The following NIPSNAP2 variants were observed in gnomAD, a reference collection of about 807,000 sequenced individuals.
NIPSNAP2 encodes protein NipSnap homolog 2.
A neutral mutation model predicts 48.4 loss-of-function variants in NIPSNAP2; 42 were observed. That is an observed-to-expected ratio of 0.87 (90% confidence interval 0.68 to 1.12). The LOEUF is 1.12. Among genes scored for constraint, NIPSNAP2 ranks in the 50% most tolerant of loss-of-function variants. The pLI, the probability that NIPSNAP2 is intolerant of heterozygous loss-of-function variation, is 0.00. For missense variants in NIPSNAP2, 314 were observed against 347.3 expected (o/e 0.90, Z 0.76); for synonymous variants, 158 against 126.6 (o/e 1.25, Z -1.67).
intron 4 of NIPSNAP2, chr7:55,981,810 T>G (rs540039567): frequency 2.4e-6 from 1 of 413,198 alleles, no homozygotes; most frequent in Non-Finnish European, 4.4e-6. Flanking sequence ...GGCATTACAG[T>G]TTTTTTGTTT....
At chr7:55,969,668 G>C (rs1404959772) in intron 1 of NIPSNAP2, among the ~76,000 whole-genome samples, 1 of 152,162 alleles carries the variant, frequency 6.6e-6, no homozygotes, top group Admixed American at 6.5e-5. Flanking sequence ...GCTGACAGGT[G>C]TAGTGCACAG....
intron 3 of NIPSNAP2, chr7:55,980,602 CAGTT>C (rs1243839445): frequency 1.3e-5 from 2 of 152,162 alleles, no homozygotes; most frequent in African/African-American, 2.4e-5. Flanking sequence ...TGGTGTAAAA[CAGTT>C]ACACTCTTCC....
intron 1 of NIPSNAP2, among the ~76,000 whole-genome samples, chr7:55,970,600 C>T (rs1786998980): frequency 6.6e-6 from 1 of 152,148 alleles, no homozygotes; most frequent in Non-Finnish European, 1.5e-5. Context: ...GCATGAGGCA[C>T]TGCGCTTGTC....
intron 1 of NIPSNAP2, among the ~76,000 whole-genome samples, chr7:55,973,894 T>C (rs977717626): frequency 3.3e-5 from 5 of 152,104 alleles, no homozygotes; most frequent in African/African-American, 4.8e-5. Context: ...GAACATCATA[T>C]TGGGGAGAAG....
chr7:55,984,644 A>C (rs537305110), intron 6 of NIPSNAP2, among the ~76,000 whole-genome samples: 32 of 150,372 alleles, frequency 2.1e-4, no homozygotes, highest in African/African-American at 7.6e-4. Flanking sequence ...GCTTGAACCC[A>C]GGAGGCGGAG....
Position 56,000,145 on chromosome 7 carries a change from A to G in NIPSNAP2, c.*1073A>G, listed in dbSNP as rs756298520. ...CATGTGAATGATTTTCTCAAAGAAC[A>G]TAGAAAAGTCAATAAAATCCTCTTA... On this transcript the variant is annotated 3_prime_UTR_variant, in exon 10 of 10. Transcript: ENST00000322090. 1 of 152,616 alleles carries G rather than the reference A, an allele frequency of 6.6e-6. No individual in the cohort carries two copies. Among genetic ancestry groups the G allele is most frequent in the Non-Finnish European group, 1.5e-5 (1 of 68,040 alleles). 9.5% of individuals were successfully genotyped at this position (152,616 alleles called of 1,614,324 possible). A position where few individuals can be genotyped will look rare whatever the true frequency, so the allele number is the denominator to read the frequency against.
chr7:55,990,222 GTTTCT>G (rs1292848403), intron 7 of NIPSNAP2, among the ~76,000 whole-genome samples: 5 of 144,980 alleles, frequency 3.4e-5, no homozygotes, highest in African/African-American at 7.6e-5. Context: ...CTTAATTTTT[GTTTCT>G]TTTCTTTTTT....
At chr7:55,986,383 C>T (rs957156011) in intron 7 of NIPSNAP2, among the ~76,000 whole-genome samples, 8 of 151,720 alleles carry the variant, frequency 5.3e-5, no homozygotes, top group South Asian at 2.1e-4. Context: ...AAAATTAGGG[C>T]GGGGATGGTG....
At chr7:55,981,888 CCT>C (rs1304516479) in intron 4 of NIPSNAP2, 1 of 326,240 alleles carries the variant, frequency 3.1e-6, no homozygotes, top group East Asian at 5.8e-5. Context: ...CTCACTGCGA[CCT>C]CTGCCTCCCG....
chr7:55,968,920 G>A (rs1348932582), intron 1 of NIPSNAP2, among the ~76,000 whole-genome samples: 1 of 151,760 alleles, frequency 6.6e-6, no homozygotes, highest in Non-Finnish European at 1.5e-5. Context: ...GGTGGTGCAG[G>A]GCTGTAGTCC....
chr7:55,987,158 TAAA>T, intron 7 of NIPSNAP2, among the ~76,000 whole-genome samples: 1 of 151,542 alleles, frequency 6.6e-6, no homozygotes. Flanking sequence ...CTCACAAAAA[TAAA>T]AAATAAATTG....
In NIPSNAP2 at chr7:55,964,625, C is replaced by T. The variant is rs1351246592; in HGVS notation, c.16C>T (p.Leu6=). Residue 6 remains leucine (L), a synonymous_variant, in exon 1 of 10, where the codon CTG becomes TTG. Coordinates refer to ENST00000322090, the MANE Select transcript of NIPSNAP2 (RefSeq NM_001483.3). MAARV[L]RARGAAWAGG... ...GCCGAGCAAGATGGCGGCGCGAGTG[C>T]TGCGCGCCCGCGGAGCGGCCTGGGC... 2 of 1,055,902 alleles carry T rather than the reference C, an allele frequency of 1.9e-6. No homozygotes were observed. Among genetic ancestry groups the T allele is most frequent in the Non-Finnish European group, 2.3e-6 (2 of 877,174 alleles). The allele number at this position is 1,055,902 out of a possible 1,614,324, so 65.4% of individuals were successfully genotyped here.
intron 1 of NIPSNAP2, among the ~76,000 whole-genome samples, chr7:55,969,754 T>A (rs372094939): frequency 2.0e-4 from 31 of 152,056 alleles, no homozygotes; most frequent in Admixed American, 5.2e-4. Context: ...GAGGCCAAGG[T>A]GGGCGAATCA....
intron 3 of NIPSNAP2, chr7:55,981,195 C>A: frequency 5.4e-6 from 1 of 186,328 alleles, no homozygotes; most frequent in Non-Finnish European, 1.1e-5. Context: ...CTCCCAAAAT[C>A]CTGGGACCTT....
intron 2 of NIPSNAP2, 39 bp from the exon 3 acceptor site, chr7:55,978,311 T>G: frequency 6.2e-7 from 1 of 1,613,578 alleles, no homozygotes; most frequent in Non-Finnish European, 8.5e-7. Flanking sequence ...TTTTTCCCCT[T>G]TGTTCCTAAG....
chr7:55,970,408 A>G (rs1380356882), intron 1 of NIPSNAP2, among the ~76,000 whole-genome samples: 5 of 150,654 alleles, frequency 3.3e-5, no homozygotes, highest in African/African-American at 1.2e-4. Flanking sequence ...TCCCAGGTTC[A>G]AGTGATTCTC....
Position 55,990,093 on chromosome 7 carries a change from A to G in NIPSNAP2, c.618-4801A>G, listed in dbSNP as rs749046684. On this transcript the variant is annotated intron_variant, in intron 7 of 9. Coordinates refer to ENST00000322090, the MANE Select transcript of NIPSNAP2 (RefSeq NM_001483.3). ...AGAGTGAGACTCCATCTCAGAATATATATATAATTTTGAAACATTGGGATA... is the reference window on the plus strand; with the variant it reads ...AGAGTGAGACTCCATCTCAGAATATGTATATAATTTTGAAACATTGGGATA... Among the ~76,000 whole-genome samples the G allele has an allele frequency of 2.3e-4, 35 of 152,082 alleles. 1 individual carries two copies. Among genetic ancestry groups the G allele is most frequent in the Non-Finnish European group, 4.4e-4 (30 of 68,014 alleles).
At chr7:55,968,568 A>G (rs566675417) in intron 1 of NIPSNAP2, among the ~76,000 whole-genome samples, 2 of 151,752 alleles carry the variant, frequency 1.3e-5, no homozygotes, top group African/African-American at 4.8e-5. Flanking sequence ...TTGTATTTTT[A>G]ATAGAGATGG....
chr7:55,991,354 C>T (rs73138777), intron 7 of NIPSNAP2, among the ~76,000 whole-genome samples: 28,154 of 152,020 alleles, frequency 0.19, 3,115 homozygotes, highest in East Asian at 0.35. Flanking sequence ...TAGCTACTCA[C>T]GGAATAGGAT....
Sources: allele counts gnomAD v4.1 joint callset (sites outside exome capture counted in the v4.1 genomes callset), GRCh38; gene constraint gnomAD v4.1.1; transcripts MANE v1.5; gene names NCBI Gene and HGNC (gene_info 2026-07-23, HGNC 2026-07-21).